RSPO2: variants seen among roughly 807,000 people sequenced by gnomAD.
The protein encoded by RSPO2 is R-spondin-2.
A neutral mutation model predicts 30.9 loss-of-function variants in RSPO2; 14 were observed. The ratio of observed to expected loss-of-function variants is 0.45; its 90% CI spans 0.30 to 0.71. RSPO2 has a LOEUF of 0.71. Ranked by LOEUF, RSPO2 falls within the 30% of genes least tolerant of loss-of-function variation. The probability of loss-of-function intolerance (pLI) is 0.08; values close to 1 mark genes in which losing one functional copy is unlikely to be tolerated. For missense variants in RSPO2, 264 were observed against 301.9 expected (o/e 0.87, Z 0.93); for synonymous variants, 107 against 96.4 (o/e 1.11, Z -0.64).
chr8:107,944,170 T>C (rs1317340241), intron 5 of RSPO2, among the ~76,000 whole-genome samples: 1 of 152,180 alleles, frequency 6.6e-6, no homozygotes, highest in Non-Finnish European at 1.5e-5. Flanking sequence ...TTCTAATAAC[T>C]AAATTAAGAT....
At chr8:108,012,507 T>C (rs568064249) in intron 2 of RSPO2, among the ~76,000 whole-genome samples, 6 of 152,348 alleles carry the variant, frequency 3.9e-5, no homozygotes, top group African/African-American at 1.4e-4. Flanking sequence ...TACATGTGTG[T>C]TTTCCTACAT....
At chr8:107,997,773 C>A (rs1484141335) in intron 2 of RSPO2, among the ~76,000 whole-genome samples, 2 of 152,158 alleles carry the variant, frequency 1.3e-5, no homozygotes, top group African/African-American at 4.8e-5. Context: ...GTAAGTTTAG[C>A]CTTTTTATGA....
At chr8:107,931,250 A>G (rs1384453093) in intron 5 of RSPO2, among the ~76,000 whole-genome samples, 2 of 152,160 alleles carry the variant, frequency 1.3e-5, no homozygotes, top group African/African-American at 2.4e-5. Flanking sequence ...TTCCTAGTAA[A>G]AATAAGTATT....
At chr8:108,062,468 C>T (rs1383240620) in intron 2 of RSPO2, among the ~76,000 whole-genome samples, 1 of 151,680 alleles carries the variant, frequency 6.6e-6, no homozygotes, top group Non-Finnish European at 1.5e-5. Flanking sequence ...ACACATACAC[C>T]CTCCCAAGAC....
intron 2 of RSPO2, among the ~76,000 whole-genome samples, chr8:107,992,666 T>C (rs1475815723): frequency 6.6e-6 from 1 of 152,152 alleles, no homozygotes; most frequent in Non-Finnish European, 1.5e-5. Context: ...CAAACAAGTC[T>C]ACATCTAAAT....
chr8:107,997,016 T>C (rs1403668848), intron 2 of RSPO2: 2 of 401,170 alleles, frequency 5.0e-6, no homozygotes, highest in Non-Finnish European at 9.8e-6. Flanking sequence ...CTCCCCACTT[T>C]CTCCAATCTT....
At position 107,910,420 on chromosome 8, in the gene RSPO2, C is replaced by T. The variant is rs143795649; in HGVS notation, c.617-9230G>A. Among the ~76,000 whole-genome samples the T allele has an allele frequency of 6.1e-3, 926 of 152,294 alleles. 2 individuals are homozygous for T. The highest frequency in any genetic ancestry group is 0.01 in the Non-Finnish European group (703 of 68,028). ...GCATGGTACATGCCTGTAGTCCCAA[C>T]TACTCAGAAGCCTAAGGCAGGAGGA... On this transcript the variant is annotated intron_variant, in intron 5 of 5. Transcript: ENST00000276659.
intron 2 of RSPO2, among the ~76,000 whole-genome samples, chr8:108,048,601 G>C (rs895287046): frequency 6.6e-6 from 1 of 151,856 alleles, no homozygotes; most frequent in Admixed American, 6.6e-5. Context: ...CAATTTTGTT[G>C]ATCTTTTCAA....
intron 3 of RSPO2, among the ~76,000 whole-genome samples, chr8:107,978,179 G>A (rs1295297083): frequency 6.6e-6 from 1 of 152,132 alleles, no homozygotes; most frequent in Non-Finnish European, 1.5e-5. Context: ...TGTAATCCCA[G>A]CACTTTGGGA....
At chr8:107,996,772 A>G in intron 2 of RSPO2, 1 of 305,710 alleles carries the variant, frequency 3.3e-6, no homozygotes, top group Non-Finnish European at 6.4e-6. Flanking sequence ...TCAGGAGCCA[A>G]CTTTCATCTT....
intron 5 of RSPO2, among the ~76,000 whole-genome samples, chr8:107,946,821 A>T (rs1314338266): frequency 6.6e-6 from 1 of 152,214 alleles, no homozygotes; most frequent in Non-Finnish European, 1.5e-5. Flanking sequence ...CCATATACCA[A>T]ATTTAAAACC....
intron 2 of RSPO2, among the ~76,000 whole-genome samples, chr8:108,024,049 G>A (rs971775491): frequency 2.6e-5 from 4 of 151,988 alleles, no homozygotes; most frequent in South Asian, 2.1e-4. Context: ...GTCCAAATAC[G>A]GTGTGTCCCT....
chr8:108,053,178 G>A (rs1259256312), intron 2 of RSPO2, among the ~76,000 whole-genome samples: 3 of 152,080 alleles, frequency 2.0e-5, no homozygotes, highest in Non-Finnish European at 4.4e-5. Context: ...GTCCTCACAT[G>A]GCTTGCAGGA....
chr8:107,985,255 A>G (rs1814583262), intron 3 of RSPO2, among the ~76,000 whole-genome samples: 1 of 152,208 alleles, frequency 6.6e-6, no homozygotes, highest in Non-Finnish European at 1.5e-5. Flanking sequence ...TTGGCAATAT[A>G]TATCTTTAAA....
At chr8:108,050,017 C>A (rs977658607) in intron 2 of RSPO2, among the ~76,000 whole-genome samples, 2 of 152,106 alleles carry the variant, frequency 1.3e-5, no homozygotes, top group South Asian at 2.1e-4. Flanking sequence ...TTCTTTTGTA[C>A]CCTAAGCTTG....
chr8:108,079,166 T>A (rs1346618483), intron 2 of RSPO2, among the ~76,000 whole-genome samples: 3 of 152,138 alleles, frequency 2.0e-5, no homozygotes, highest in Non-Finnish European at 2.9e-5. Context: ...GGGAGACAAA[T>A]CTTAATATGC....
intron 2 of RSPO2, among the ~76,000 whole-genome samples, chr8:108,036,375 A>T (rs1351197187): frequency 6.6e-6 from 1 of 152,224 alleles, no homozygotes; most frequent in African/African-American, 2.4e-5. Context: ...ATATGCTAAC[A>T]TATATAGCAA....
intron 2 of RSPO2, among the ~76,000 whole-genome samples, chr8:108,033,868 T>C (rs1811507580): frequency 6.6e-6 from 1 of 152,192 alleles, no homozygotes; most frequent in South Asian, 2.1e-4. Flanking sequence ...TGCAATTCCA[T>C]CATATCTGAA....
At chr8:108,075,072 A>T (rs987544459) in intron 2 of RSPO2, among the ~76,000 whole-genome samples, 76 of 152,264 alleles carry the variant, frequency 5.0e-4, no homozygotes, top group African/African-American at 1.7e-3. Context: ...AGTATATAGA[A>T]GGCAAATACC....
Sources: allele counts gnomAD v4.1 joint callset (sites outside exome capture counted in the v4.1 genomes callset), GRCh38; gene constraint gnomAD v4.1.1; transcripts MANE v1.5; gene names NCBI Gene and HGNC (gene_info 2026-07-23, HGNC 2026-07-21).